The following ERC2 variants were observed in gnomAD, a reference collection of about 807,000 sequenced individuals.
The protein encoded by ERC2 is ERC protein 2.
Under a neutral mutation model 114.8 loss-of-function variants are expected in ERC2, and 42 were observed. The observed-to-expected ratio is 0.37, with a 90% CI of 0.29 to 0.47. ERC2 has a LOEUF of 0.47. Among genes scored for constraint, ERC2 ranks in the 20% least tolerant of loss-of-function variants. The pLI is 0.99. For synonymous variants in ERC2, 454 were observed against 425.5 expected (o/e 1.07, Z -0.82); for missense variants, 939 against 1,150.7 (o/e 0.82, Z 2.66).
intron 7 of ERC2, among the ~76,000 whole-genome samples, chr3:56,033,729 G>A (rs1223115904): frequency 2.6e-5 from 4 of 152,102 alleles, no homozygotes; most frequent in Non-Finnish European, 5.9e-5. Flanking sequence ...TCTCATGTAA[G>A]AGAATTTCTC....
chr3:56,228,538 C>T (rs2050398932), intron 3 of ERC2, among the ~76,000 whole-genome samples: 2 of 152,178 alleles, frequency 1.3e-5, no homozygotes, highest in South Asian at 4.1e-4. Flanking sequence ...GAACTTCCTT[C>T]CATTTTAAGT....
chr3:56,087,555 A>G (rs937281313), intron 6 of ERC2, among the ~76,000 whole-genome samples: 9 of 152,304 alleles, frequency 5.9e-5, no homozygotes, highest in Admixed American at 5.9e-4. Flanking sequence ...TCTAAAAATC[A>G]AACAGTTCAT....
chr3:55,593,597 C>T (rs1322209466), intron 17 of ERC2, among the ~76,000 whole-genome samples: 4 of 152,164 alleles, frequency 2.6e-5, no homozygotes, highest in African/African-American at 9.7e-5. Context: ...GTCCATTTAG[C>T]ATGTGCCTCA....
At chr3:56,114,993 A>G (rs760463408) in intron 6 of ERC2, among the ~76,000 whole-genome samples, 1 of 152,256 alleles carries the variant, frequency 6.6e-6, no homozygotes, top group South Asian at 2.1e-4. Context: ...AACCTCCCCA[A>G]TTCCTTGTAT....
At chr3:56,044,348 T>C (rs958314446) in intron 7 of ERC2, among the ~76,000 whole-genome samples, 4 of 152,186 alleles carry the variant, frequency 2.6e-5, no homozygotes, top group Non-Finnish European at 4.4e-5. Context: ...TAGGATTTTT[T>C]TTTCAAGAAT....
intron 13 of ERC2, among the ~76,000 whole-genome samples, chr3:55,899,705 A>G (rs911162719): frequency 6.6e-6 from 1 of 152,180 alleles, no homozygotes; most frequent in African/African-American, 2.4e-5. Flanking sequence ...AATCTCAACT[A>G]TGTGTTGGGA....
intron 12 of ERC2, among the ~76,000 whole-genome samples, chr3:55,977,134 T>C (rs2069651474): frequency 1.3e-5 from 2 of 152,212 alleles, no homozygotes; most frequent in Admixed American, 6.5e-5. Flanking sequence ...AGCTCCCCAG[T>C]TTATATTTTG....
chr3:56,366,718 G>C (rs2059164910), intron 2 of ERC2, among the ~76,000 whole-genome samples: 1 of 152,144 alleles, frequency 6.6e-6, no homozygotes, highest in South Asian at 2.1e-4. Flanking sequence ...TTGCCATGAA[G>C]ACAATCACAG....
chr3:55,769,423 A>T (rs148291828), intron 14 of ERC2, among the ~76,000 whole-genome samples: 1 of 151,812 alleles, frequency 6.6e-6, no homozygotes, highest in African/African-American at 2.4e-5. Context: ...TTCTGAGCAC[A>T]TCTTAGGGGG....
At chr3:55,691,258 A>G (rs1233867051) in intron 16 of ERC2, among the ~76,000 whole-genome samples, 1 of 152,098 alleles carries the variant, frequency 6.6e-6, no homozygotes, top group Non-Finnish European at 1.5e-5. Context: ...CCTGCTAAAC[A>G]CAGTATCCTC....
chr3:55,910,225 G>A (rs2064717865), intron 13 of ERC2, among the ~76,000 whole-genome samples: 1 of 151,728 alleles, frequency 6.6e-6, no homozygotes, highest in African/African-American at 2.4e-5. Flanking sequence ...CCTGGTCTCT[G>A]CTAAAAAATA....
At chr3:55,909,758 G>A (rs1247961908) in intron 13 of ERC2, among the ~76,000 whole-genome samples, 1 of 152,134 alleles carries the variant, frequency 6.6e-6, no homozygotes, top group South Asian at 2.1e-4. Flanking sequence ...GACAGAGAGG[G>A]ACCCTCATAA....
intron 2 of ERC2, among the ~76,000 whole-genome samples, chr3:56,389,456 C>CA (rs1220427426): frequency 6.6e-6 from 1 of 152,056 alleles, no homozygotes; most frequent in East Asian, 1.9e-4. Context: ...AGGGAAACCC[C>CA]AGCTCATGAC....
At chr3:55,772,031 C>T (rs979982638) in intron 14 of ERC2, among the ~76,000 whole-genome samples, 1 of 152,122 alleles carries the variant, frequency 6.6e-6, no homozygotes, top group Admixed American at 6.5e-5. Context: ...CCTCTCCGCC[C>T]ATCAGGACTG....
At chr3:55,944,794 T>C (rs1172625686) in intron 13 of ERC2, among the ~76,000 whole-genome samples, 1 of 152,158 alleles carries the variant, frequency 6.6e-6, no homozygotes, top group Non-Finnish European at 1.5e-5. Flanking sequence ...CGGAGGATTA[T>C]AGTGTGAAAG....
intron 15 of ERC2, among the ~76,000 whole-genome samples, chr3:55,733,517 CTG>C (rs1559567108): frequency 5.0e-4 from 49 of 98,958 alleles, no homozygotes; most frequent in African/African-American, 1.4e-3. Context: ...CTCATTCTCT[CTG>C]TCTCTCATTC....
intron 2 of ERC2, among the ~76,000 whole-genome samples, chr3:56,303,839 C>G (rs1046604237): frequency 6.6e-6 from 1 of 152,142 alleles, no homozygotes; most frequent in Non-Finnish European, 1.5e-5. Context: ...GTAAGGGGGA[C>G]AGGCAGTGGG....
chr3:56,102,650 T>A (rs1462602930), intron 6 of ERC2, among the ~76,000 whole-genome samples: 3 of 152,210 alleles, frequency 2.0e-5, no homozygotes, highest in Non-Finnish European at 4.4e-5. Context: ...AGAAGAAATA[T>A]GCAATTCTGT....
intron 13 of ERC2, among the ~76,000 whole-genome samples, chr3:55,912,934 C>CT (rs2064892210): frequency 6.6e-6 from 1 of 152,176 alleles, no homozygotes; most frequent in Non-Finnish European, 1.5e-5. Flanking sequence ...AGTGCTTCTT[C>CT]TTTTAACAAG....
Sources: gnomAD v4.1 joint callset for allele counts (sites outside exome capture counted in the v4.1 genomes callset) on GRCh38, gnomAD v4.1.1 for gene constraint, MANE v1.5 for transcripts, NCBI Gene and HGNC (gene_info 2026-07-23, HGNC 2026-07-21) for gene names.